Variants in GDF10 observed in about 807,000 individuals in gnomAD.
GDF10 encodes growth differentiation factor 10.
In GDF10, 23 loss-of-function variants were observed where a neutral mutation model predicts 32.1. The ratio of observed to expected loss-of-function variants is 0.72; its 90% confidence interval spans 0.52 to 1.02. The LOEUF is 1.02. Ranked by LOEUF, GDF10 falls within the 50% of genes least tolerant of loss-of-function variation. The pLI is 0.00. For missense variants in GDF10, 764 were observed against 673.9 expected (o/e 1.13, Z -1.48); for synonymous variants, 328 against 303.1 (o/e 1.08, Z -0.85).
At position 47,312,646 on chromosome 10, in the gene GDF10, G is replaced by A. The variant is rs565870229; in HGVS notation, c.1291G>A (p.Ala431Thr). 1 of 1,608,246 alleles carries A rather than the reference G, an allele frequency of 6.2e-7. No individual in the cohort carries two copies. Among genetic ancestry groups the A allele is most frequent in the East Asian group, 2.2e-5 (1 of 44,624 alleles). ...NHATIQSIVR[A>T]VGIIPGIPEP... ...TGCCACCATCCAGAGCATTGTCAGG[G>A]CTGTGGGCATCATCCCTGGCATCCC... The change falls in exon 3 of 3, where the codon GCT becomes ACT. Residue 431 changes from alanine to threonine, a missense_variant. By Grantham distance (58) the Ala-to-Thr change is moderately conservative. Transcript: ENST00000580279.
In GDF10 at chr10:47,306,476, A is replaced by C. The variant is rs147299441; in HGVS notation, c.320-3320A>C. Among the ~76,000 whole-genome samples the C allele has an allele frequency of 1.8e-3, 273 of 152,350 alleles. 3 individuals carry two copies. The highest frequency in any genetic ancestry group is 6.4e-3 in the African/African-American group (266 of 41,578). ...CCACTTGGGCAGGATTTTCACAGAC[A>C]ATCTCATTCAACATGCATCTCTGAG... is the stretch of plus-strand genomic sequence containing the variant. On this transcript the variant is annotated intron_variant, in intron 1 of 2. Transcript: ENST00000580279.
Position 47,310,262 on chromosome 10 carries a change from G to A in GDF10, c.786G>A (p.Thr262=), listed in dbSNP as rs1555207567. 2 of 1,608,916 alleles carry A rather than the reference G, an allele frequency of 1.2e-6. No individual in the cohort carries two copies. The highest frequency in any genetic ancestry group is 1.7e-6 in the Non-Finnish European group (2 of 1,177,796). ...CGGAGCCCAACAGCGTGGCAGTGAC[G>A]CTGCAGAGATACGACCCCTTCCCTG... ...AISEPNSVAV[T]LQRYDPFPAG... The change falls in exon 2 of 3, where the codon ACG becomes ACA. Residue 262 remains threonine (T), a synonymous_variant. Transcript: ENST00000580279.
In GDF10 at chr10:47,310,375, A is replaced by G. The variant is rs2061040707; in HGVS notation, c.899A>G (p.Asp300Gly). 6.2e-7 allele frequency: 1 copy of G among 1,607,734 alleles called. No individual in the cohort carries two copies. The highest frequency in any genetic ancestry group is 1.7e-5 in the Admixed American group (1 of 59,482). Residue 300 changes from aspartate (D) to glycine (G), a missense_variant, in exon 2 of 3, where the codon GAC (aspartate) becomes GGC (glycine). Transcript: ENST00000580279. ...RAAQATGPLQ[D>G]NELPGLDERP... ...GCGCAGGCCACTGGGCCCCTCCAGG[A>G]CAACGAGCTGCCGGGGCTGGATGAG...
At chr10:47,305,263 G>A (rs2061019208) in intron 1 of GDF10, among the ~76,000 whole-genome samples, 1 of 152,164 alleles carries the variant, frequency 6.6e-6, no homozygotes, top group African/African-American at 2.4e-5. Flanking sequence ...GCCCTTGCTG[G>A]GTGCCAGGCA....
intron 1 of GDF10, among the ~76,000 whole-genome samples, chr10:47,303,634 T>C (rs2061012260): frequency 6.6e-6 from 1 of 152,186 alleles, no homozygotes; most frequent in South Asian, 2.1e-4. Context: ...CATTGCTCCC[T>C]GAAGTGAATT....
Position 47,300,918 on chromosome 10 carries a change from G to T in GDF10, c.267G>T (p.Gln89His). ...GGCTCTATGAGAAGTACAGCCGGCAGGGCGCGCGGCCGGGAGGGGGCAACA... is the reference window on the plus strand; with the variant it reads ...GGCTCTATGAGAAGTACAGCCGGCATGGCGCGCGGCCGGGAGGGGGCAACA... ...MHRLYEKYSR[Q>H]GARPGGGNTV... The change falls in exon 1 of 3, where the codon CAG becomes CAT. Residue 89 changes from glutamine (Q) to histidine (H), a missense_variant. Coordinates refer to ENST00000580279, the MANE Select transcript of GDF10 (RefSeq NM_004962.5). 6.4e-7 allele frequency: 1 copy of T among 1,554,860 alleles called. No individual in the cohort carries two copies. The highest frequency in any genetic ancestry group is 8.6e-7 in the Non-Finnish European group (1 of 1,157,694).
chr10:47,309,125 C>A (rs1185531753), intron 1 of GDF10, among the ~76,000 whole-genome samples: 3 of 152,170 alleles, frequency 2.0e-5, no homozygotes, highest in Non-Finnish European at 4.4e-5. Context: ...CTTGTGTAAT[C>A]CTGATGCTGC....
chr10:47,308,019 C>T (rs781914838), intron 1 of GDF10, among the ~76,000 whole-genome samples: 4 of 152,148 alleles, frequency 2.6e-5, no homozygotes, highest in African/African-American at 4.8e-5. Flanking sequence ...AGGTTCAGGG[C>T]GTGGCGCCAC....
At chr10:47,312,155 T>C (rs2061048794) in intron 2 of GDF10, among the ~76,000 whole-genome samples, 1 of 152,186 alleles carries the variant, frequency 6.6e-6, no homozygotes, top group African/African-American at 2.4e-5. Context: ...TGCCAGGCCT[T>C]CCCTTCAGTG....
chr10:47,305,650 G>A (rs1167829760), intron 1 of GDF10, among the ~76,000 whole-genome samples: 2 of 152,128 alleles, frequency 1.3e-5, no homozygotes, highest in Non-Finnish European at 2.9e-5. Flanking sequence ...TTTTATATAG[G>A]GCAGAGCATC....
intron 1 of GDF10, among the ~76,000 whole-genome samples, chr10:47,301,720 C>T (rs1271617133): frequency 6.6e-6 from 1 of 152,186 alleles, no homozygotes; most frequent in Non-Finnish European, 1.5e-5. Context: ...AGAGGAGGTG[C>T]AGCCAGGGCC....
At chr10:47,307,583 C>T (rs1461336372) in intron 1 of GDF10, among the ~76,000 whole-genome samples, 1 of 152,174 alleles carries the variant, frequency 6.6e-6, no homozygotes, top group African/African-American at 2.4e-5. Flanking sequence ...CCCAGCAGTC[C>T]CCAGCAGGGA....
chr10:47,306,278 T>C (rs1431831859), intron 1 of GDF10, among the ~76,000 whole-genome samples: 1 of 152,252 alleles, frequency 6.6e-6, no homozygotes. Context: ...CAAGGGGAAG[T>C]CTGGCTAAAC....
In GDF10 at chr10:47,300,260, G is replaced by T; in HGVS notation, c.-392G>T. On this transcript the variant is annotated 5_prime_UTR_variant, in exon 1 of 3. Coordinates refer to ENST00000580279, the MANE Select transcript of GDF10 (RefSeq NM_004962.5). ...GACCCTGTCAGCTGCAGCCCCAGAG[G>T]TCCGGGGCGCGCAGCCGGGTCCCCT... 1 of 168,210 alleles carries T rather than the reference G, an allele frequency of 5.9e-6. No individual in the cohort carries two copies. The highest frequency in any genetic ancestry group is 1.7e-4 in the East Asian group (1 of 6,040). 10.4% of individuals were successfully genotyped at this position (168,210 alleles called of 1,614,324 possible). A position where few individuals can be genotyped will look rare whatever the true frequency, so the allele number is the denominator to read the frequency against.
At position 47,312,733 on chromosome 10, in the gene GDF10, CGGAATGT is replaced by C; in HGVS notation, c.1381_1387del (p.Asn461PhefsTer2). 1 of 1,606,622 alleles carries C rather than the reference CGGAATGT, an allele frequency of 6.2e-7. No homozygotes were observed. Among genetic ancestry groups the C allele is most frequent in the Non-Finnish European group, 8.5e-7 (1 of 1,176,298 alleles). On this transcript the variant is annotated frameshift_variant, in exon 3 of 3. Coordinates refer to ENST00000580279, the MANE Select transcript of GDF10 (RefSeq NM_004962.5). LOFTEE classifies it high-confidence loss of function. ...TGGGGTCCTCTTCCTGGATGAGAAT[CGGAATGT>C]GGTTCTGAAGGTGTACCCCAACATG...
Position 47,300,833 on chromosome 10 carries a change from G to A in GDF10, c.182G>A (p.Gly61Glu). 1 of 1,574,886 alleles carries A rather than the reference G, an allele frequency of 6.3e-7. No individual in the cohort carries two copies. Among genetic ancestry groups the A allele is most frequent in the Non-Finnish European group, 8.6e-7 (1 of 1,167,812 alleles). ...QGDRDLQRHP[G>E]DAAATLGPSA... is the part of the protein sequence containing the mutation. The stretch of plus-strand genomic sequence containing the variant: ...GACAGGGATCTCCAGCGGCACCCTG[G>A]GGACGCGGCCGCCACGTTGGGCCCC... Residue 61 changes from glycine (G) to glutamate (E), a missense_variant, in exon 1 of 3, where the codon GGG (glycine) becomes GAG (glutamate). Physicochemically the swap from Gly to Glu is moderately conservative, Grantham distance 98. Transcript: ENST00000580279.
chr10:47,305,395 C>T (rs2061019686), intron 1 of GDF10, among the ~76,000 whole-genome samples: 1 of 152,172 alleles, frequency 6.6e-6, no homozygotes, highest in Admixed American at 6.5e-5. Context: ...TGCCTGAGTC[C>T]CCACAGCTAG....
At position 47,309,865 on chromosome 10, in the gene GDF10, C is replaced by A. The variant is rs1375417296; in HGVS notation, c.389C>A (p.Thr130Lys). ...ATGCAAGACTCGGAAATGATCCTTA[C>A]GGCCACTTTCCACTTCTACTCAGAG... ...TSMQDSEMIL[T>K]ATFHFYSEPP... Residue 130 changes from threonine to lysine, a missense_variant, in exon 2 of 3, where the codon ACG becomes AAG. Physicochemically the swap from Thr to Lys is moderately conservative, Grantham distance 78 (BLOSUM62 -1). Transcript: ENST00000580279. The A allele has an allele frequency of 6.2e-7, 1 of 1,612,750 alleles. No homozygotes were observed. Among genetic ancestry groups the A allele is most frequent in the Admixed American group, 1.7e-5 (1 of 60,034 alleles).
rs1126827 is a variant in GDF10, at chr10:47,300,628, G to A, written c.-24G>A. 1,185,940 of 1,564,044 alleles carry A rather than the reference G, an allele frequency of 0.76. 451,753 individuals carry two copies. Among genetic ancestry groups the A allele is most frequent in the Admixed American group, 0.82 (44,875 of 54,960 alleles). ...CTCGCCTTCCTCCTCCTGGACTTCGGCCCTTTGCCGCCCTCACCACGCCAT... is the reference window on the plus strand; with the variant it reads ...CTCGCCTTCCTCCTCCTGGACTTCGACCCTTTGCCGCCCTCACCACGCCAT... On this transcript the variant is annotated 5_prime_UTR_variant, in exon 1 of 3. Transcript: ENST00000580279.
Sources: gnomAD v4.1 joint callset for allele counts (sites outside exome capture counted in the v4.1 genomes callset) on GRCh38, gnomAD v4.1.1 for gene constraint, MANE v1.5 for transcripts, NCBI Gene and HGNC (gene_info 2026-07-23, HGNC 2026-07-21) for gene names.